The following PALLD variants were observed in gnomAD, a reference collection of about 807,000 sequenced individuals.
PALLD encodes palladin.
Under a neutral mutation model 123.5 loss-of-function variants are expected in PALLD, and 61 were observed. The ratio of observed to expected loss-of-function variants is 0.49; its 90% CI spans 0.40 to 0.61. The LOEUF (loss-of-function observed/expected upper bound fraction) is 0.61. Ranked by LOEUF, PALLD falls within the 20% of genes least tolerant of loss-of-function variation. The pLI is 0.00. For synonymous variants in PALLD, 465 were observed against 496.4 expected, an observed-to-expected ratio of 0.94 and a Z score of 0.84; for missense variants, 1,273 against 1,377.0, an observed-to-expected ratio of 0.92 and a Z score of 1.20.
intron 8 of PALLD, 73 bp downstream of exon 8, chr4:168,691,365 TC>T: frequency 8.2e-7 from 1 of 1,213,240 alleles, no homozygotes; most frequent in Non-Finnish European, 1.2e-6. Flanking sequence ...TCTCAATAGT[TC>T]TTTCTTTCTA....
At chr4:168,797,236 G>T (rs1282927579) in intron 10 of PALLD, among the ~76,000 whole-genome samples, 1 of 152,014 alleles carries the variant, frequency 6.6e-6, no homozygotes, top group South Asian at 2.1e-4. Context: ...TGATGCTTTC[G>T]AATGTTCATA....
intron 2 of PALLD, chr4:168,598,716 C>A: frequency 2.5e-6 from 1 of 395,408 alleles, no homozygotes; most frequent in South Asian, 2.1e-5. Flanking sequence ...AAGCTGTACC[C>A]TTGCCTCCTA....
At chr4:168,629,626 C>A (rs764189128) in intron 2 of PALLD, among the ~76,000 whole-genome samples, 2 of 152,212 alleles carry the variant, frequency 1.3e-5, no homozygotes, top group Non-Finnish European at 2.9e-5. Flanking sequence ...CAAGCTCCCC[C>A]ACCCTCCCAT....
At chr4:168,720,577 C>T (rs1011098084) in intron 10 of PALLD, among the ~76,000 whole-genome samples, 5 of 152,154 alleles carry the variant, frequency 3.3e-5, no homozygotes, top group African/African-American at 7.2e-5. Flanking sequence ...GGAGTAGTCA[C>T]GGGTCCTAAT....
At chr4:168,639,301 G>T (rs931366883) in intron 2 of PALLD, among the ~76,000 whole-genome samples, 1 of 152,190 alleles carries the variant, frequency 6.6e-6, no homozygotes, top group Non-Finnish European at 1.5e-5. Context: ...AGTTATAACT[G>T]TAGGCTAGAG....
intron 3 of PALLD, among the ~76,000 whole-genome samples, chr4:168,668,855 G>A (rs1438697381): frequency 2.6e-5 from 4 of 152,168 alleles, no homozygotes. Flanking sequence ...ATCACTAGGT[G>A]AGAATATTCA....
chr4:168,801,675 G>GT (rs1217548815), intron 10 of PALLD, among the ~76,000 whole-genome samples: 3 of 152,180 alleles, frequency 2.0e-5, no homozygotes, highest in African/African-American at 7.2e-5. Flanking sequence ...CCCAGATAAA[G>GT]TAGGATATCA....
intron 1 of PALLD, among the ~76,000 whole-genome samples, chr4:168,506,882 T>C (rs1762061391): frequency 6.6e-6 from 1 of 152,240 alleles, no homozygotes; most frequent in Non-Finnish European, 1.5e-5. Flanking sequence ...GGACATGTAC[T>C]GCTTCCTGAG....
At chr4:168,516,155 C>T (rs1451929569) in intron 2 of PALLD, among the ~76,000 whole-genome samples, 20 of 152,186 alleles carry the variant, frequency 1.3e-4, no homozygotes, top group Admixed American at 1.3e-3. Context: ...GAAGAAAACC[C>T]TATGCATAAA....
At chr4:168,540,190 T>C (rs966702391) in intron 2 of PALLD, among the ~76,000 whole-genome samples, 9 of 152,196 alleles carry the variant, frequency 5.9e-5, no homozygotes, top group Non-Finnish European at 1.3e-4. Context: ...CTAGCTGGTT[T>C]CCATGAAGGC....
intron 10 of PALLD, among the ~76,000 whole-genome samples, chr4:168,788,607 G>T (rs1737083057): frequency 6.6e-6 from 1 of 152,098 alleles, no homozygotes; most frequent in Admixed American, 6.6e-5. Context: ...AGTGAACGCT[G>T]GTGTAAACTG....
chr4:168,557,689 A>G (rs1169393863), intron 2 of PALLD, among the ~76,000 whole-genome samples: 2 of 152,194 alleles, frequency 1.3e-5, no homozygotes, highest in East Asian at 1.9e-4. Context: ...GGTGCCCTAC[A>G]TGTGCATTAA....
At chr4:168,601,184 AT>A (rs1382997114) in intron 2 of PALLD, among the ~76,000 whole-genome samples, 1 of 152,198 alleles carries the variant, frequency 6.6e-6, no homozygotes, top group Non-Finnish European at 1.5e-5. Flanking sequence ...CAGTAAAAAA[AT>A]CTATCTATAG....
intron 11 of PALLD, among the ~76,000 whole-genome samples, chr4:168,893,817 G>A (rs1754554197): frequency 6.6e-6 from 1 of 152,210 alleles, no homozygotes; most frequent in East Asian, 1.9e-4. Flanking sequence ...CTAGCTGCGA[G>A]ATGCAAGAAC....
chr4:168,645,671 C>G (rs1287526738), intron 2 of PALLD, among the ~76,000 whole-genome samples: 1 of 152,160 alleles, frequency 6.6e-6, no homozygotes, highest in Non-Finnish European at 1.5e-5. Context: ...ATACCTGGCC[C>G]AGAGTGAACA....
chr4:168,750,959 A>G (rs1730981047), intron 10 of PALLD, among the ~76,000 whole-genome samples: 1 of 151,538 alleles, frequency 6.6e-6, no homozygotes, highest in South Asian at 2.1e-4. Context: ...CAGATGTTAC[A>G]TTCATGAGAT....
chr4:168,600,408 T>G (rs962606347), intron 2 of PALLD, among the ~76,000 whole-genome samples: 19 of 152,232 alleles, frequency 1.2e-4, no homozygotes, highest in Admixed American at 2.6e-4. Context: ...TAAAAAATTA[T>G]AGCTGCTGCT....
chr4:168,730,008 GTGA>G (rs1787000651), intron 10 of PALLD, among the ~76,000 whole-genome samples: 1 of 152,136 alleles, frequency 6.6e-6, no homozygotes, highest in South Asian at 2.1e-4. Context: ...TTGAAATGTT[GTGA>G]TGATATGTAA....
chr4:168,761,809 C>T (rs1317181321), intron 10 of PALLD, among the ~76,000 whole-genome samples: 2 of 151,860 alleles, frequency 1.3e-5, no homozygotes, highest in African/African-American at 2.4e-5. Flanking sequence ...CCGTGCCCGG[C>T]AGGAAATATT....
Sources: gnomAD v4.1 joint callset for allele counts (sites outside exome capture counted in the v4.1 genomes callset) on GRCh38, gnomAD v4.1.1 for gene constraint, MANE v1.5 for transcripts, NCBI Gene and HGNC (gene_info 2026-07-23, HGNC 2026-07-21) for gene names.